CACNA2D3: variants seen among roughly 807,000 people sequenced by gnomAD.
CACNA2D3 encodes the protein voltage-dependent calcium channel subunit alpha-2/delta-3.
Under a neutral mutation model 160.6 loss-of-function variants are expected in CACNA2D3, and 60 were observed. The observed-to-expected ratio is 0.37, with a 90% CI of 0.30 to 0.46. The LOEUF (loss-of-function observed/expected upper bound fraction) is 0.46. Ranked by LOEUF, CACNA2D3 falls within the 20% of genes least tolerant of loss-of-function variation. The probability of loss-of-function intolerance (pLI) is 1.00; values close to 1 mark genes in which losing one functional copy is unlikely to be tolerated. For missense variants in CACNA2D3, 1,205 were observed against 1,365.0 expected, an observed-to-expected ratio of 0.88 and a Z score of 1.85; for synonymous variants, 558 against 492.9, an observed-to-expected ratio of 1.13 and a Z score of -1.75.
At position 55,027,487 on chromosome 3, in the gene CACNA2D3, A is replaced by G. The variant is rs571002084; in HGVS notation, c.2987+9170A>G. On this transcript the variant is annotated intron_variant, in intron 35 of 37. Transcript: ENST00000474759. ...GATGACCCATAGATGTACAATGGCCAGCATGATTGGTGGCATCCAGAAAGC... is the reference window on the plus strand; with the variant it reads ...GATGACCCATAGATGTACAATGGCCGGCATGATTGGTGGCATCCAGAAAGC... Among the ~76,000 whole-genome samples the G allele has an allele frequency of 4.3e-3, 649 of 152,354 alleles. 6 individuals are homozygous for G. The highest frequency in any genetic ancestry group is 7.8e-3 in the Non-Finnish European group (531 of 68,030).
intron 4 of CACNA2D3, among the ~76,000 whole-genome samples, chr3:54,388,574 G>A (rs993783153): frequency 1.3e-5 from 2 of 152,212 alleles, no homozygotes; most frequent in Non-Finnish European, 2.9e-5. Context: ...AAGAGGAGTC[G>A]GCAGCTGGCC....
chr3:55,013,838 C>T (rs1329531529), intron 34 of CACNA2D3, among the ~76,000 whole-genome samples: 2 of 152,154 alleles, frequency 1.3e-5, no homozygotes, highest in Non-Finnish European at 2.9e-5. Flanking sequence ...TCTATTCAAT[C>T]CCAATTGTCT....
At chr3:55,023,764 G>A (rs1015726755) in intron 35 of CACNA2D3, among the ~76,000 whole-genome samples, 1 of 151,800 alleles carries the variant, frequency 6.6e-6, no homozygotes, top group African/African-American at 2.4e-5. Context: ...TTTGTATTTA[G>A]GAATTTCTGT....
intron 2 of CACNA2D3, among the ~76,000 whole-genome samples, chr3:54,145,402 C>G (rs1169640324): frequency 6.6e-6 from 1 of 152,182 alleles, no homozygotes. Context: ...AAACTGCAAG[C>G]TCTTTACTGC....
At position 54,122,691 on chromosome 3, in the gene CACNA2D3, G is replaced by T; in HGVS notation, c.-23G>T. ...CGGCCGCTCTCGTCGCCGCCGCAGC[G>T]GGCGCGTCGGAGGGAGCCCAGCATG... On this transcript the variant is annotated 5_prime_UTR_variant, in exon 1 of 38. Transcript: ENST00000474759. 8.9e-7 allele frequency: 1 copy of T among 1,121,214 alleles called. No individual in the cohort carries two copies. The highest frequency in any genetic ancestry group is 4.7e-5 in the East Asian group (1 of 21,112). The allele number at this position is 1,121,214 out of a possible 1,614,324, so 69.5% of individuals were successfully genotyped here. A position where few individuals can be genotyped will look rare whatever the true frequency, so the allele number is the denominator to read the frequency against.
rs147875361 is a variant in CACNA2D3, at chr3:54,837,885, C to T, written c.1470+655C>T. On this transcript the variant is annotated intron_variant, in intron 15 of 37. Coordinates refer to ENST00000474759, the MANE Select transcript of CACNA2D3 (RefSeq NM_018398.3). ...GATGATTTCATCTCAAGATCCTTAACAATTACGTATGCAAAGATGCTATTT... is the reference window on the plus strand; with the variant it reads ...GATGATTTCATCTCAAGATCCTTAATAATTACGTATGCAAAGATGCTATTT... Among the ~76,000 whole-genome samples, 318 of 152,298 alleles carry T rather than the reference C, an allele frequency of 2.1e-3. 1 individual carries two copies. Among genetic ancestry groups the T allele is most frequent in the African/African-American group, 7.3e-3 (305 of 41,566 alleles).
intron 3 of CACNA2D3, among the ~76,000 whole-genome samples, chr3:54,354,941 C>T (rs1402002846): frequency 6.6e-6 from 1 of 152,208 alleles, no homozygotes; most frequent in East Asian, 1.9e-4. Flanking sequence ...TGAAGGATGG[C>T]TTATGCGTTT....
intron 2 of CACNA2D3, among the ~76,000 whole-genome samples, chr3:54,159,159 A>G (rs894391419): frequency 6.6e-6 from 1 of 152,232 alleles, no homozygotes; most frequent in African/African-American, 2.4e-5. Flanking sequence ...TTCAGTCATC[A>G]TAAAAACAGA....
chr3:54,281,800 G>A (rs1224890123), intron 2 of CACNA2D3, among the ~76,000 whole-genome samples: 2 of 152,166 alleles, frequency 1.3e-5, no homozygotes, highest in Non-Finnish European at 2.9e-5. Context: ...GCATTTCCTG[G>A]CAGTTAAGAA....
intron 4 of CACNA2D3, among the ~76,000 whole-genome samples, chr3:54,498,187 C>T (rs1701233719): frequency 6.6e-6 from 1 of 151,500 alleles, no homozygotes; most frequent in Non-Finnish European, 1.5e-5. Flanking sequence ...TGATAGAATC[C>T]ATCAGTTAAG....
chr3:55,031,332 T>G (rs1184654739), intron 35 of CACNA2D3, among the ~76,000 whole-genome samples: 1 of 152,194 alleles, frequency 6.6e-6, no homozygotes, highest in Non-Finnish European at 1.5e-5. Flanking sequence ...TATAGATGTG[T>G]GTTTATTAAC....
At chr3:54,259,618 G>C (rs772974405) in intron 2 of CACNA2D3, among the ~76,000 whole-genome samples, 5 of 152,124 alleles carry the variant, frequency 3.3e-5, no homozygotes, top group Non-Finnish European at 7.4e-5. Flanking sequence ...CTTGTTCCTA[G>C]GACTCATGAG....
At chr3:54,750,874 A>T (rs1701843550) in intron 11 of CACNA2D3, among the ~76,000 whole-genome samples, 1 of 151,878 alleles carries the variant, frequency 6.6e-6, no homozygotes, top group African/African-American at 2.4e-5. Flanking sequence ...GGTTCAAGCA[A>T]TTCTCCTGCC....
intron 9 of CACNA2D3, among the ~76,000 whole-genome samples, chr3:54,592,203 C>T (rs552767154): frequency 6.6e-6 from 1 of 152,018 alleles, no homozygotes; most frequent in Admixed American, 6.6e-5. Flanking sequence ...TTAAAAATGT[C>T]GAAGAGGTAG....
chr3:54,328,709 G>C (rs1704174698), intron 3 of CACNA2D3, among the ~76,000 whole-genome samples: 1 of 152,216 alleles, frequency 6.6e-6, no homozygotes, highest in Non-Finnish European at 1.5e-5. Context: ...CCAAAACAGA[G>C]AGATGGCCCA....
chr3:54,653,428 G>A (rs1028062946), intron 11 of CACNA2D3, among the ~76,000 whole-genome samples: 1 of 152,108 alleles, frequency 6.6e-6, no homozygotes, highest in South Asian at 2.1e-4. Context: ...GTGAGTTTGA[G>A]TCATTGCTGT....
At chr3:55,035,616 C>G (rs71308062) in intron 35 of CACNA2D3, among the ~76,000 whole-genome samples, 8,031 of 152,208 alleles carry the variant, frequency 0.053, 280 homozygotes, top group Non-Finnish European at 0.076. Flanking sequence ...CATTTCCTCA[C>G]TGGCCTGTTT....
intron 4 of CACNA2D3, among the ~76,000 whole-genome samples, chr3:54,476,586 G>C (rs934773550): frequency 6.6e-6 from 1 of 151,912 alleles, no homozygotes; most frequent in African/African-American, 2.4e-5. Flanking sequence ...TTGACTTTTT[G>C]ATAATAGCCA....
chr3:54,756,528 C>T (rs1007241739), intron 12 of CACNA2D3, among the ~76,000 whole-genome samples: 1 of 152,122 alleles, frequency 6.6e-6, no homozygotes, highest in African/African-American at 2.4e-5. Context: ...AGAGGGCCCC[C>T]TTACATATTT....
Sources: allele counts gnomAD v4.1 joint callset (sites outside exome capture counted in the v4.1 genomes callset), GRCh38; gene constraint gnomAD v4.1.1; transcripts MANE v1.5; gene names NCBI Gene and HGNC (gene_info 2026-07-23, HGNC 2026-07-21).